Variants in CNTN4 observed in about 807,000 individuals in gnomAD.
CNTN4 encodes contactin 4.
CNTN4 carries 77 observed loss-of-function variants against 122.5 expected under a neutral mutation model. That is an observed-to-expected ratio of 0.63 (90% CI 0.52 to 0.76). The LOEUF (loss-of-function observed/expected upper bound fraction) is 0.76, where lower values mean the gene tolerates loss of function less well. Among genes scored for constraint, CNTN4 ranks in the 30% least tolerant of loss-of-function variants. The pLI is 0.00. For synonymous variants in CNTN4, 512 were observed against 447.0 expected (o/e 1.15, Z -1.83); for missense variants, 1,256 against 1,259.1 (o/e 1.00, Z 0.04).
chr3:2,819,674 G>T (rs191516288), intron 7 of CNTN4, 93 bp downstream of exon 7: 25 of 946,900 alleles, frequency 2.6e-5, no homozygotes, highest in Admixed American at 2.6e-4. Context: ...AGTGCACAGT[G>T]TCATTTATAG....
At chr3:2,335,707 C>G (rs937779491) in intron 2 of CNTN4, among the ~76,000 whole-genome samples, 11 of 151,712 alleles carry the variant, frequency 7.3e-5, no homozygotes, top group African/African-American at 2.7e-4. Context: ...ACTTTTTCCC[C>G]TAACAAGAAT....
At chr3:2,470,885 G>C (rs2075662060) in intron 3 of CNTN4, among the ~76,000 whole-genome samples, 1 of 152,186 alleles carries the variant, frequency 6.6e-6, no homozygotes, top group East Asian at 1.9e-4. Flanking sequence ...TATATGTAAG[G>C]TTTGGGACTG....
intron 2 of CNTN4, among the ~76,000 whole-genome samples, chr3:2,295,088 T>G (rs1187073333): frequency 1.3e-5 from 2 of 151,374 alleles, no homozygotes; most frequent in African/African-American, 4.9e-5. Context: ...TGATGGACAT[T>G]TGGTTTGGTT....
intron 3 of CNTN4, among the ~76,000 whole-genome samples, chr3:2,554,298 G>A (rs13077971): frequency 6.6e-6 from 1 of 151,936 alleles, no homozygotes; most frequent in Non-Finnish European, 1.5e-5. Context: ...AGTTTTAACT[G>A]GCTAGTTTTA....
chr3:2,533,779 CT>C (rs775262846), intron 3 of CNTN4, among the ~76,000 whole-genome samples: 141 of 152,234 alleles, frequency 9.3e-4, no homozygotes, highest in Non-Finnish European at 1.8e-3. Flanking sequence ...CTGTTGTTTC[CT>C]GACTCTTTAA....
chr3:2,250,939 A>G (rs2040354060), intron 2 of CNTN4, among the ~76,000 whole-genome samples: 1 of 151,894 alleles, frequency 6.6e-6, no homozygotes, highest in Non-Finnish European at 1.5e-5. Context: ...AATAATTAGT[A>G]AAGACACCTG....
chr3:2,580,749 A>G (rs2728059), intron 4 of CNTN4, among the ~76,000 whole-genome samples: 84,369 of 152,008 alleles, frequency 0.56, 23,822 homozygotes, highest in East Asian at 0.72. Flanking sequence ...TAGTAAGAGT[A>G]AAAAGTTATT....
chr3:2,307,134 C>T (rs55873412), intron 2 of CNTN4, among the ~76,000 whole-genome samples: 3,557 of 152,138 alleles, frequency 0.023, 132 homozygotes, highest in African/African-American at 0.081. Flanking sequence ...ACCTCCACTA[C>T]AATTGAATTG....
intron 3 of CNTN4, among the ~76,000 whole-genome samples, chr3:2,365,026 A>G (rs2045317436): frequency 6.6e-6 from 1 of 152,112 alleles, no homozygotes; most frequent in African/African-American, 2.4e-5. Flanking sequence ...TTTCGTGTGT[A>G]TTTCACCTGG....
At chr3:2,867,771 G>C (rs2093740527) in intron 8 of CNTN4, among the ~76,000 whole-genome samples, 1 of 151,850 alleles carries the variant, frequency 6.6e-6, no homozygotes. Flanking sequence ...ACTGTATCGA[G>C]TCTACGACCA....
At chr3:2,323,966 A>G (rs1291391505) in intron 2 of CNTN4, among the ~76,000 whole-genome samples, 1 of 152,166 alleles carries the variant, frequency 6.6e-6, no homozygotes, top group African/African-American at 2.4e-5. Flanking sequence ...ATTCCTAGAG[A>G]AGGGCTTCTC....
At chr3:2,415,601 G>C (rs144604434) in intron 3 of CNTN4, among the ~76,000 whole-genome samples, 1 of 152,076 alleles carries the variant, frequency 6.6e-6, no homozygotes, top group African/African-American at 2.4e-5. Context: ...CAGAAAGTAC[G>C]TTTGCTTGGT....
intron 3 of CNTN4, among the ~76,000 whole-genome samples, chr3:2,459,957 G>T (rs2049141617): frequency 6.6e-6 from 1 of 152,034 alleles, no homozygotes; most frequent in African/African-American, 2.4e-5. Flanking sequence ...CTAAACCCAG[G>T]CATTGCTTCA....
chr3:2,369,935 G>A (rs1014218258), intron 3 of CNTN4, among the ~76,000 whole-genome samples: 8 of 151,876 alleles, frequency 5.3e-5, no homozygotes, highest in African/African-American at 1.7e-4. Flanking sequence ...TGTCACCATC[G>A]TTTTGATACA....
intron 13 of CNTN4, among the ~76,000 whole-genome samples, chr3:2,981,399 G>A (rs1174619755): frequency 3.9e-5 from 6 of 151,910 alleles, no homozygotes; most frequent in Admixed American, 6.6e-5. Flanking sequence ...AGCCGAGATC[G>A]CAGCACTGCA....
chr3:2,868,743 G>A (rs536125765), intron 8 of CNTN4, among the ~76,000 whole-genome samples: 66 of 152,190 alleles, frequency 4.3e-4, no homozygotes, highest in African/African-American at 1.6e-3. Context: ...CATTCTCCTG[G>A]GGGATGCAGA....
intron 3 of CNTN4, among the ~76,000 whole-genome samples, chr3:2,507,340 T>C (rs2076757501): frequency 6.6e-6 from 1 of 152,144 alleles, no homozygotes; most frequent in South Asian, 2.1e-4. Flanking sequence ...ATCAGGGTTT[T>C]TTTTAAACTG....
chr3:2,181,463 G>C (rs1392143724), intron 2 of CNTN4, among the ~76,000 whole-genome samples: 2 of 152,046 alleles, frequency 1.3e-5, no homozygotes, highest in African/African-American at 4.8e-5. Flanking sequence ...CAAATACTTA[G>C]TTTATTTTTG....
rs148951220 is a variant in CNTN4 at position 2,922,036 on chromosome 3, A to G, written c.1208-3593A>G. On this transcript the variant is annotated intron_variant, in intron 12 of 24. Transcript: ENST00000418658. ...AGGACCCATAATACAGTTCATTCTA[A>G]TACTGAGGGAGTGGTGCCCTCTAGC... 7.9e-5 allele frequency among the ~76,000 whole-genome samples: 12 copies of G among 152,306 alleles called. No homozygotes were observed. The East Asian group carries it at 1.9e-3, about 25-fold the overall frequency.
Sources: gnomAD v4.1 joint callset for allele counts (sites outside exome capture counted in the v4.1 genomes callset) on GRCh38, gnomAD v4.1.1 for gene constraint, MANE v1.5 for transcripts, NCBI Gene and HGNC (gene_info 2026-07-23, HGNC 2026-07-21) for gene names.